The following GLRA1 variants were observed in gnomAD, a reference collection of about 807,000 sequenced individuals.
The protein encoded by GLRA1 is glycine receptor alpha 1, also known as glycine receptor subunit alpha-1.
In GLRA1, 37 loss-of-function variants were observed where a neutral mutation model predicts 48.3. The observed-to-expected ratio is 0.77, with a 90% CI of 0.59 to 1.01. The LOEUF (loss-of-function observed/expected upper bound fraction) is 1.01, where lower values mean the gene tolerates loss of function less well. Among genes scored for constraint, GLRA1 ranks in the 50% least tolerant of loss-of-function variants. GLRA1 has a pLI of 0.00. For missense variants in GLRA1, 427 were observed against 571.0 expected (o/e 0.75, Z 2.57); for synonymous variants, 196 against 210.7 (o/e 0.93, Z 0.60).
chr5:151,846,993 CATCT>C (rs573182142), intron 7 of GLRA1, among the ~76,000 whole-genome samples: 5 of 152,154 alleles, frequency 3.3e-5, no homozygotes, highest in African/African-American at 7.2e-5. Flanking sequence ...CCTACCTGCC[CATCT>C]ATCTATCTAT....
At chr5:151,858,138 G>A (rs970203707) in intron 4 of GLRA1, among the ~76,000 whole-genome samples, 1 of 152,142 alleles carries the variant, frequency 6.6e-6, no homozygotes, top group Admixed American at 6.5e-5. Flanking sequence ...CATGTGATGA[G>A]GTACACAGCC....
intron 3 of GLRA1, among the ~76,000 whole-genome samples, chr5:151,876,190 C>T (rs1361923499): frequency 6.6e-6 from 1 of 152,190 alleles, no homozygotes; most frequent in Non-Finnish European, 1.5e-5. Context: ...CTCCCTTCCC[C>T]TATACCCCGT....
intron 1 of GLRA1, among the ~76,000 whole-genome samples, chr5:151,910,866 G>A (rs1342574401): frequency 6.6e-6 from 1 of 152,174 alleles, no homozygotes; most frequent in African/African-American, 2.4e-5. Flanking sequence ...TTCTCTATTT[G>A]TTTAGTTGTT....
intron 1 of GLRA1, among the ~76,000 whole-genome samples, chr5:151,907,224 A>G (rs1754494638): frequency 6.6e-6 from 1 of 152,224 alleles, no homozygotes; most frequent in South Asian, 2.1e-4. Context: ...TTAGCCAAGA[A>G]GCTGGTATAC....
chr5:151,853,325 C>A (rs1752955824), intron 6 of GLRA1, among the ~76,000 whole-genome samples: 2 of 152,046 alleles, frequency 1.3e-5, no homozygotes, highest in Admixed American at 1.3e-4. Flanking sequence ...CAGCTCACTG[C>A]AGCCTCTGTC....
rs376610236 is a variant in GLRA1 at position 151,892,402 on chromosome 5, G to A, written c.93C>T (p.Ser31=). ...AASKEAEAAR[S]APKPMSPSDF... Reference sequence around the variant, plus strand: ...CCGAGGGTGACATAGGCTTGGGTGCGGAGCGAGCAGCTTCAGCCTCCTTAG... The same window carrying A: ...CCGAGGGTGACATAGGCTTGGGTGCAGAGCGAGCAGCTTCAGCCTCCTTAG... The change falls in exon 2 of 9, where the codon TCC becomes TCT. Residue 31 remains serine, a synonymous_variant. Transcript: ENST00000274576. The A allele has an allele frequency of 4.4e-5, 71 of 1,614,016 alleles. No homozygotes were observed. The highest frequency in any genetic ancestry group is 6.7e-5 in the African/African-American group (5 of 75,034).
At chr5:151,894,139 A>G (rs1424128351) in intron 1 of GLRA1, among the ~76,000 whole-genome samples, 3 of 151,944 alleles carry the variant, frequency 2.0e-5, no homozygotes, top group African/African-American at 7.3e-5. Flanking sequence ...ATATGAATGT[A>G]TGTGTGTGTG....
intron 3 of GLRA1, among the ~76,000 whole-genome samples, chr5:151,862,659 A>G (rs1423253430): frequency 6.6e-6 from 1 of 152,250 alleles, no homozygotes; most frequent in African/African-American, 2.4e-5. Flanking sequence ...ATGAAATACA[A>G]TAGGCTTCTT....
Position 151,892,363 on chromosome 5 carries a change from C to T in GLRA1, c.132G>A (p.Lys44=). The change falls in exon 2 of 9, where the codon AAG becomes AAA. Residue 44 remains lysine (K), a synonymous_variant. Coordinates refer to ENST00000274576, the MANE Select transcript of GLRA1 (RefSeq NM_000171.4). The stretch of plus-strand genomic sequence containing the variant: ...CATATCCGGAGGTTCTCCCCATTAG[C>T]TTATCCAGGAAATCCGAGGGTGACA... The part of the protein sequence containing the change: ...KPMSPSDFLD[K]LMGRTSGYDA... The T allele has an allele frequency of 6.2e-7, 1 of 1,614,016 alleles. No homozygotes were observed. Among genetic ancestry groups the T allele is most frequent in the Non-Finnish European group, 8.5e-7 (1 of 1,179,898 alleles).
chr5:151,883,478 C>G (rs1268988515), intron 3 of GLRA1, among the ~76,000 whole-genome samples: 1 of 152,184 alleles, frequency 6.6e-6, no homozygotes, highest in African/African-American at 2.4e-5. Flanking sequence ...GCACAGTCAC[C>G]AAGTAGCTTT....
At chr5:151,843,222 T>G (rs903280755) in intron 7 of GLRA1, among the ~76,000 whole-genome samples, 1 of 152,042 alleles carries the variant, frequency 6.6e-6, no homozygotes, top group Non-Finnish European at 1.5e-5. Flanking sequence ...TCCAGCTATT[T>G]TTTTCATTTC....
intron 4 of GLRA1, among the ~76,000 whole-genome samples, chr5:151,859,503 T>C (rs558438078): frequency 2.6e-4 from 39 of 152,246 alleles, no homozygotes; most frequent in Non-Finnish European, 4.7e-4. Context: ...CTATCTTGTT[T>C]GATTGAAATG....
intron 3 of GLRA1, among the ~76,000 whole-genome samples, chr5:151,868,046 C>T (rs1247941135): frequency 6.6e-6 from 1 of 152,174 alleles, no homozygotes; most frequent in Non-Finnish European, 1.5e-5. Flanking sequence ...AGGTTCTAAA[C>T]TAAGATAGCA....
chr5:151,839,201 A>G (rs1037934048), intron 7 of GLRA1, among the ~76,000 whole-genome samples: 1 of 152,374 alleles, frequency 6.6e-6, no homozygotes, highest in Non-Finnish European at 1.5e-5. Flanking sequence ...ACAAAAGCTG[A>G]GAGACTTCCG....
At chr5:151,906,556 C>G (rs1019220685) in intron 1 of GLRA1, among the ~76,000 whole-genome samples, 2 of 152,194 alleles carry the variant, frequency 1.3e-5, no homozygotes, top group Non-Finnish European at 2.9e-5. Flanking sequence ...GTGTTTGGCT[C>G]AGAGAAGTCT....
Position 151,876,197 on chromosome 5 carries a change from C to T in GLRA1, c.252+10524G>A, listed in dbSNP as rs79300800. Among the ~76,000 whole-genome samples the T allele has an allele frequency of 2.5e-3, 386 of 152,314 alleles. 1 individual carries two copies. Among genetic ancestry groups the T allele is most frequent in the African/African-American group, 9.0e-3 (373 of 41,568 alleles). On this transcript the variant is annotated intron_variant, in intron 3 of 8. Transcript: ENST00000274576. ...TATGTGCCCTCCCTTCCCCTATACC[C>T]CGTTGCTGAAACTACTGGATGACAC...
intron 1 of GLRA1, among the ~76,000 whole-genome samples, chr5:151,906,886 C>T (rs959825243): frequency 2.6e-5 from 4 of 152,152 alleles, no homozygotes; most frequent in Admixed American, 2.6e-4. Context: ...CTAGGGAAGA[C>T]CTGTCGGACT....
rs111558291 is a variant in GLRA1 at position 151,858,895 on chromosome 5, C to T, written c.476+890G>A. On this transcript the variant is annotated intron_variant, in intron 4 of 8. Transcript: ENST00000274576. Reference sequence around the variant, plus strand: ...ATATATTGATCAAATATTTGAGTGCCTATTGAATGCCATGCACTGCTATAG... The same window carrying T: ...ATATATTGATCAAATATTTGAGTGCTTATTGAATGCCATGCACTGCTATAG... Among the ~76,000 whole-genome samples the T allele has an allele frequency of 4.3e-3, 662 of 152,270 alleles. 4 individuals are homozygous for T. The highest frequency in any genetic ancestry group is 0.016 in the African/African-American group (644 of 41,540).
chr5:151,843,145 A>G (rs1463946915), intron 7 of GLRA1, among the ~76,000 whole-genome samples: 1 of 152,150 alleles, frequency 6.6e-6, no homozygotes, highest in African/African-American at 2.4e-5. Context: ...ATTGGAAGAC[A>G]TAATATTGTT....
Sources: allele counts gnomAD v4.1 joint callset (sites outside exome capture counted in the v4.1 genomes callset), GRCh38; gene constraint gnomAD v4.1.1; transcripts MANE v1.5; gene names NCBI Gene and HGNC (gene_info 2026-07-23, HGNC 2026-07-21).